PC: variants seen among roughly 807,000 people sequenced by gnomAD.
The protein encoded by PC is pyruvate carboxylase, mitochondrial.
In PC, 46 loss-of-function variants were observed where a neutral mutation model predicts 107.8. The ratio of observed to expected loss-of-function variants is 0.43; its 90% confidence interval spans 0.34 to 0.55. The LOEUF (loss-of-function observed/expected upper bound fraction) is 0.55, where lower values mean the gene tolerates loss of function less well. Among genes scored for constraint, PC ranks in the 20% least tolerant of loss-of-function variants. The pLI, the probability that PC is intolerant of heterozygous loss-of-function variation, is 0.04. For synonymous variants in PC, 662 were observed against 684.7 expected (o/e 0.97, Z 0.52); for missense variants, 1,241 against 1,643.1 (o/e 0.76, Z 4.23).
rs116480910 is a variant in PC at position 66,872,404 on chromosome 11, C to G, written c.1-245G>C. Among the ~76,000 whole-genome samples the G allele has an allele frequency of 0.013, 1,968 of 152,204 alleles. 48 individuals carry two copies. The highest frequency in any genetic ancestry group is 0.044 in the African/African-American group (1,828 of 41,508). ...TTATTGTTGTAGAGACAGGGTCTCC[C>G]TATGTTGCCTAGGCTGGTCGCAAAT... On this transcript the variant is annotated intron_variant, in intron 3 of 22. Coordinates refer to ENST00000393960, the MANE Select transcript of PC (RefSeq NM_001040716.2).
intron 3 of PC, among the ~76,000 whole-genome samples, chr11:66,900,292 A>C (rs1470951657): frequency 1.4e-5 from 2 of 144,400 alleles, no homozygotes; most frequent in Non-Finnish European, 3.0e-5. Flanking sequence ...GTCATTCTCC[A>C]GCCTCCCAAC....
intron 3 of PC, among the ~76,000 whole-genome samples, chr11:66,915,051 C>A (rs980593845): frequency 6.7e-5 from 10 of 150,106 alleles, no homozygotes; most frequent in East Asian, 2.0e-4. Flanking sequence ...ACAACAACAA[C>A]AAAAAAACTA....
In PC at chr11:66,945,069, C is replaced by T. The variant is rs117467632; in HGVS notation, c.-1+7361G>A. ...TTCTCACCATTTCCAGGGGCGTGAA[C>T]TGAAGAACATGAAAAAGGTGGCACT... On this transcript the variant is annotated intron_variant, in intron 3 of 22. Transcript: ENST00000393960. 4.8e-3 allele frequency among the ~76,000 whole-genome samples: 558 copies of T among 117,186 alleles called. 169 individuals carry two copies. The highest frequency in any genetic ancestry group is 8.9e-3 in the Non-Finnish European group (465 of 52,458). 76.9% of individuals were successfully genotyped at this position (117,186 alleles called of 152,430 possible). A position where few individuals can be genotyped will look rare whatever the true frequency, so the allele number is the denominator to read the frequency against.
chr11:66,848,757 G>GGT lies in PC; in HGVS notation c.*140_*141dup. On this transcript the variant is annotated 3_prime_UTR_variant, in exon 23 of 23. Transcript: ENST00000393960. ...CTGAAAGGAATGAACCACCGCAGGC[G>GGT]GTGTCTCTCCTGTCCAGCTGTGGAC... 1 of 959,504 alleles carries GGT rather than the reference G, an allele frequency of 1.0e-6. No individual in the cohort carries two copies. Among genetic ancestry groups the GGT allele is most frequent in the Non-Finnish European group, 1.6e-6 (1 of 614,692 alleles). The allele number at this position is 959,504 out of a possible 1,614,324, so 59.4% of individuals were successfully genotyped here. A position where few individuals can be genotyped will look rare whatever the true frequency, so the allele number is the denominator to read the frequency against.
chr11:66,885,938 G>A (rs998612079), intron 3 of PC, among the ~76,000 whole-genome samples: 5 of 152,232 alleles, frequency 3.3e-5, no homozygotes, highest in African/African-American at 1.2e-4. Context: ...CCAGGGGCTG[G>A]AGAAGCACAA....
At chr11:66,900,266 T>G (rs1020110724) in intron 3 of PC, among the ~76,000 whole-genome samples, 7 of 146,742 alleles carry the variant, frequency 4.8e-5, no homozygotes, top group African/African-American at 1.8e-4. Flanking sequence ...CTGCAAGCTC[T>G]GACTCCCGGG....
Position 66,858,544 on chromosome 11 carries a change from A to C in PC, c.1369-5161T>G. ...TCCCCGCCCGGCCTGGCCGGCCGCTACTTCTGGGCAGTGCCCGAGGGCGAG... is the reference window on the plus strand; with the variant it reads ...TCCCCGCCCGGCCTGGCCGGCCGCTCCTTCTGGGCAGTGCCCGAGGGCGAG... On this transcript the variant is annotated intron_variant, in intron 12 of 22. Coordinates refer to ENST00000393960, the MANE Select transcript of PC (RefSeq NM_001040716.2). The surrounding 1 kb of genome is among the most constrained non-coding windows in gnomAD (Gnocchi z 5.9). The C allele has an allele frequency of 1.3e-6, 2 of 1,533,332 alleles. No homozygotes were observed. The highest frequency in any genetic ancestry group is 1.2e-5 in the South Asian group (1 of 83,908). The allele number at this position is 1,533,332 out of a possible 1,614,324, so 95.0% of individuals were successfully genotyped here. A position where few individuals can be genotyped will look rare whatever the true frequency, so the allele number is the denominator to read the frequency against.
At chr11:66,886,054 G>A (rs985039944) in intron 3 of PC, among the ~76,000 whole-genome samples, 2 of 152,224 alleles carry the variant, frequency 1.3e-5, no homozygotes, top group African/African-American at 4.8e-5. Context: ...GGCTGGGGCA[G>A]GCTGAGTGAG....
rs1379810458 is a variant in PC, at chr11:66,868,766, G to GC, written c.1022+79dup. ...GGGGAGTGAGCAAGCCCCCTGGCTG[G>GC]CCCCAGGAGCCACTTCGCCTGTACT... is the stretch of plus-strand genomic sequence containing the variant. On this transcript the variant is annotated intron_variant, in intron 10 of 22. Coordinates refer to ENST00000393960, the MANE Select transcript of PC (RefSeq NM_001040716.2). 4.1e-5 allele frequency: 44 copies of GC among 1,082,658 alleles called. No individual in the cohort carries two copies. In the African/African-American group the frequency reaches 6.1e-4, roughly 15 times the overall value. The allele number at this position is 1,082,658 out of a possible 1,614,324, so 67.1% of individuals were successfully genotyped here.
At chr11:66,889,400 T>A (rs1947485710) in intron 3 of PC, among the ~76,000 whole-genome samples, 1 of 152,022 alleles carries the variant, frequency 6.6e-6, no homozygotes, top group Non-Finnish European at 1.5e-5. Flanking sequence ...TGAGAGCGTC[T>A]CACTCTGTCA....
intron 3 of PC, among the ~76,000 whole-genome samples, chr11:66,922,272 C>T (rs1948613515): frequency 1.3e-5 from 2 of 152,038 alleles, no homozygotes; most frequent in African/African-American, 4.8e-5. Context: ...TCAGCATTGG[C>T]TGGAAAAAGC....
intron 3 of PC, among the ~76,000 whole-genome samples, chr11:66,938,346 G>A (rs1234217030): frequency 6.6e-6 from 1 of 152,054 alleles, no homozygotes; most frequent in African/African-American, 2.4e-5. Context: ...TCCTTTAAAT[G>A]GAGGAACAGC....
At chr11:66,873,120 G>T (rs894265060) in intron 3 of PC, among the ~76,000 whole-genome samples, 1 of 150,134 alleles carries the variant, frequency 6.7e-6, no homozygotes, top group Non-Finnish European at 1.5e-5. Context: ...AGGCACATTT[G>T]TGTGAGCTCA....
intron 3 of PC, among the ~76,000 whole-genome samples, chr11:66,899,075 G>C (rs1947860388): frequency 6.6e-6 from 1 of 152,060 alleles, no homozygotes; most frequent in African/African-American, 2.4e-5. Flanking sequence ...TCTCCATATT[G>C]GTCAGGCTGG....
Position 66,859,114 on chromosome 11 carries a change from C to G in PC, c.1368+4660G>C, listed in dbSNP as rs200010857. The stretch of plus-strand genomic sequence containing the variant: ...TACCGGTGAGGATGCGTGCCCCACA[C>G]CCGGCTGCACTCCCGGCGCCCTTCC... On this transcript the variant is annotated intron_variant, in intron 12 of 22. Transcript: ENST00000393960. The G allele has an allele frequency of 6.3e-4, 936 of 1,479,600 alleles. 5 individuals carry two copies. The Middle Eastern group carries it at 8.2e-3, about 13-fold the overall frequency. The allele number at this position is 1,479,600 out of a possible 1,614,324, so 91.7% of individuals were successfully genotyped here. A position where few individuals can be genotyped will look rare whatever the true frequency, so the allele number is the denominator to read the frequency against.
chr11:66,849,157 C>A lies in PC; in HGVS notation c.3289-10G>T, dbSNP rs529411023. On this transcript the variant is annotated splice_polypyrimidine_tract_variant and intron_variant, in intron 22 of 22. Transcript: ENST00000393960. ...GGTGGAAGTGCATCTCCTGAAGACA[C>A]AGGGCAGAGGGGACATGACATCCTG... 5 of 1,613,874 alleles carry A rather than the reference C, an allele frequency of 3.1e-6. No individual in the cohort carries two copies. The African/African-American group carries it at 6.7e-5, about 22-fold the overall frequency.
intron 3 of PC, among the ~76,000 whole-genome samples, chr11:66,916,770 C>T (rs937598930): frequency 4.6e-5 from 7 of 151,834 alleles, no homozygotes; most frequent in Non-Finnish European, 5.9e-5. Flanking sequence ...CTGGCTAACA[C>T]GGTGAAACCC....
At chr11:66,867,583 A>G (rs2135923588) in intron 10 of PC, among the ~76,000 whole-genome samples, 1 of 152,278 alleles carries the variant, frequency 6.6e-6, no homozygotes, top group East Asian at 1.9e-4. Flanking sequence ...GTGTGCTGAG[A>G]GCCCTGTCAT....
At chr11:66,907,567 G>A (rs1051266873) in intron 3 of PC, among the ~76,000 whole-genome samples, 1 of 152,074 alleles carries the variant, frequency 6.6e-6, no homozygotes, top group African/African-American at 2.4e-5. Context: ...GGTCAAGTAG[G>A]GTTTGCCTAC....
Sources: allele counts gnomAD v4.1 joint callset (sites outside exome capture counted in the v4.1 genomes callset), GRCh38; gene constraint gnomAD v4.1.1; non-coding constraint Gnocchi (gnomAD v3.1); transcripts MANE v1.5; gene names NCBI Gene and HGNC (gene_info 2026-07-23, HGNC 2026-07-21).